Variants in RS1 observed in about 807,000 individuals in gnomAD.
RS1 encodes retinoschisin 1.
A neutral mutation model predicts 20.8 loss-of-function variants in RS1; 2 were observed. That is an observed-to-expected ratio of 0.10 (90% CI 0.04 to 0.30). The LOEUF (loss-of-function observed/expected upper bound fraction) is 0.30, where lower values mean the gene tolerates loss of function less well. Among genes scored for constraint, RS1 ranks in the 10% least tolerant of loss-of-function variants. The pLI is 1.00. For synonymous variants in RS1, 70 were observed against 75.8 expected, an observed-to-expected ratio of 0.92 and a Z score of 0.40; for missense variants, 151 against 189.8, an observed-to-expected ratio of 0.80 and a Z score of 1.20.
intron 3 of RS1, chrX:18,647,544 T>C (rs1927837520): frequency 2.3e-6 from 1 of 435,015 alleles, no homozygotes; most frequent in Admixed American, 3.6e-5. Context: ...GGAATTGCCA[T>C]AGAGACTCAA....
At chrX:18,651,264 T>TGTGTGTGTGTGTGTGTGTGTGTGAGAGA (rs1491242962) in intron 3 of RS1, among the ~76,000 whole-genome samples, 1 of 69,008 alleles carries the variant, frequency 1.4e-5, no homozygotes, top group African/African-American at 6.3e-5. Context: ...TGTGTGTGTG[T>TGTGTGTGTGTGTGTGTGTGTGTGAGAGA]GAGAGAGAGA....
At position 18,658,910 on chromosome X, in the gene RS1, G is replaced by C. The variant is rs894537079; in HGVS notation, c.53-1245C>G. On this transcript the variant is annotated intron_variant, in intron 1 of 5. Coordinates refer to ENST00000379984, the MANE Select transcript of RS1 (RefSeq NM_000330.4). ...TGATTTAAGATTAAGACATTGTTTA[G>C]AAATTATTTTATAGGTTTGTCTATA... Among the ~76,000 whole-genome samples the C allele has an allele frequency of 9.9e-5, 11 of 111,319 alleles. No individual in the cohort carries two copies. The Admixed American group carries it at 1.1e-3, about 11-fold the overall frequency.
At chrX:18,653,686 G>A (rs1963730615) in intron 3 of RS1, 2 of 882,055 alleles carry the variant, frequency 2.3e-6, no homozygotes, top group East Asian at 7.0e-5. Flanking sequence ...TCAAAAACCA[G>A]GGCCAGGTGC....
intron 1 of RS1, among the ~76,000 whole-genome samples, chrX:18,665,927 C>T (rs1335587015): frequency 1.9e-5 from 2 of 106,891 alleles, no homozygotes; most frequent in South Asian, 4.2e-4. Flanking sequence ...TCCTGTCCCT[C>T]AGCTCACCAT....
intron 2 of RS1, 149 bp from the exon 3 acceptor site, chrX:18,656,907 C>T (rs752186166): frequency 1.8e-5 from 9 of 511,347 alleles, no homozygotes; most frequent in Middle Eastern, 1.0e-3. Flanking sequence ...AGCCTCAATA[C>T]ACACAGCTAC....
chrX:18,655,815 C>T (rs930472026), intron 3 of RS1, among the ~76,000 whole-genome samples: 1 of 109,971 alleles, frequency 9.1e-6, no homozygotes, highest in Admixed American at 9.8e-5. Context: ...AGTATCCAGG[C>T]ATGGTGCTAT....
chrX:18,653,592 A>C, intron 3 of RS1: 1 of 1,175,651 alleles, frequency 8.5e-7, no homozygotes, highest in Non-Finnish European at 1.2e-6. Flanking sequence ...CACCTCTCTC[A>C]TGGAAGAACC....
In RS1 at chrX:18,662,668, C is replaced by T. The variant is rs758806692; in HGVS notation, c.53-5003G>A. Among the ~76,000 whole-genome samples, 12 of 106,672 alleles carry T rather than the reference C, an allele frequency of 1.1e-4. No individual in the cohort carries two copies. The East Asian group carries it at 3.6e-3, about 32-fold the overall frequency. 92.6% of individuals were successfully genotyped at this position (106,672 alleles called of 115,157 possible). ...TTTGAGATGGAGTCTCGCTCTGTCG[C>T]CCAGGCTGGAGTGCAGTGGCGCGAT... On this transcript the variant is annotated intron_variant, in intron 1 of 5. Coordinates refer to ENST00000379984, the MANE Select transcript of RS1 (RefSeq NM_000330.4).
chrX:18,661,785 C>T (rs1928313926), intron 1 of RS1, among the ~76,000 whole-genome samples: 1 of 112,313 alleles, frequency 8.9e-6, no homozygotes, highest in Non-Finnish European at 1.9e-5. Flanking sequence ...CGGCGCACTC[C>T]TCTCAACGCC....
chrX:18,671,886 C>A, intron 1 of RS1, 131 bp downstream of exon 1: 1 of 604,460 alleles, frequency 1.7e-6, no homozygotes. Context: ...ATTAATAACA[C>A]ATGTTAGTTA....
chrX:18,647,721 A>G lies in RS1; in HGVS notation c.185-389T>C, dbSNP rs1005094649. On this transcript the variant is annotated intron_variant, in intron 3 of 5. Transcript: ENST00000379984. ...CCATACATCTTTATTTCCCCCATTA[A>G]CACAGATTTAGCCATCCTGCCTCAT... The G allele has an allele frequency of 5.7e-5, 11 of 192,712 alleles. No individual in the cohort carries two copies. In the East Asian group the frequency reaches 1.3e-3, roughly 23 times the overall value. 15.9% of individuals were successfully genotyped at this position (192,712 alleles called of 1,213,427 possible). A position where few individuals can be genotyped will look rare whatever the true frequency, so the allele number is the denominator to read the frequency against.
rs770260902 is a variant in RS1 at position 18,648,200 on chromosome X, G to A, written c.185-868C>T. ...ACAGTGTCGAGTTACCTGGTCAGAG[G>A]CTGCCAATTTTCAACCCAGTATTCA... is the stretch of plus-strand genomic sequence containing the variant. On this transcript the variant is annotated intron_variant, in intron 3 of 5. Coordinates refer to ENST00000379984, the MANE Select transcript of RS1 (RefSeq NM_000330.4). Among the ~76,000 whole-genome samples, 3 of 110,809 alleles carry A rather than the reference G, an allele frequency of 2.7e-5. No individual in the cohort carries two copies. The South Asian group carries it at 1.2e-3, about 43-fold the overall frequency.
Position 18,647,173 on chromosome X carries a change from TC to T in RS1, c.326+17del, listed in dbSNP as rs753537583. On this transcript the variant is annotated intron_variant, in intron 4 of 5. Transcript: ENST00000379984. ...TTTTTTAAAAGCACATGAAAAAAAA[TC>T]CCCGGGCCCTGCTTACCCAAAGCCT... The T allele has an allele frequency of 4.1e-6, 5 of 1,206,767 alleles. No homozygotes were observed. The African/African-American group carries it at 5.3e-5, about 13-fold the overall frequency.
In RS1 at chrX:18,640,920, G is replaced by GA. The variant is rs760315286; in HGVS notation, c.*1083dup. ...ATCTAAGGCGCCGCCTCCAGGAACG[G>GA]AAAGCCAGGCCCATTCCTTCCCAGA... is the stretch of plus-strand genomic sequence containing the variant. On this transcript the variant is annotated 3_prime_UTR_variant, in exon 6 of 6. Transcript: ENST00000379984. 1 of 113,202 alleles carries GA rather than the reference G, an allele frequency of 8.8e-6. No homozygotes were observed. Among genetic ancestry groups the GA allele is most frequent in the African/African-American group, 3.2e-5 (1 of 31,147 alleles). The allele number at this position is 113,202 out of a possible 1,213,427, so 9.3% of individuals were successfully genotyped here.
chrX:18,666,348 C>A (rs1928404679), intron 1 of RS1, among the ~76,000 whole-genome samples: 4 of 111,637 alleles, frequency 3.6e-5, no homozygotes, highest in Admixed American at 1.9e-4. Context: ...AGGCGAGACA[C>A]CTGTGGGCAA....
intron 3 of RS1, chrX:18,650,453 G>T: frequency 8.3e-7 from 1 of 1,211,717 alleles, no homozygotes; most frequent in Non-Finnish European, 1.1e-6. Context: ...CTCACACTCC[G>T]TGCGTCCCAA....
In RS1 at chrX:18,657,668, A is replaced by G. The variant is rs1460269825; in HGVS notation, c.53-3T>C. The G allele has an allele frequency of 5.0e-6, 6 of 1,190,100 alleles. No individual in the cohort carries two copies. The highest frequency in any genetic ancestry group is 6.8e-6 in the Non-Finnish European group (6 of 876,987). On this transcript the variant is annotated splice_polypyrimidine_tract_variant and splice_region_variant and intron_variant, in intron 1 of 5. Transcript: ENST00000379984. ...GGTAGACGATAATCCCAATGTGGCT[A>G]AAGCAAAAGGATGAGACAGAAAAAA...
chrX:18,671,889 G>A (rs1349343034), intron 1 of RS1, 128 bp downstream of exon 1: 5 of 613,839 alleles, frequency 8.1e-6, no homozygotes, highest in African/African-American at 6.8e-5. Context: ...AATAACACAT[G>A]TTAGTTAATT....
chrX:18,658,024 G>A (rs771170635), intron 1 of RS1, among the ~76,000 whole-genome samples: 5 of 110,736 alleles, frequency 4.5e-5, no homozygotes, highest in Non-Finnish European at 9.4e-5. Flanking sequence ...ACAAAAATTA[G>A]CTGGGCATGG....
Sources: gnomAD v4.1 joint callset for allele counts (sites outside exome capture counted in the v4.1 genomes callset) on GRCh38, gnomAD v4.1.1 for gene constraint, MANE v1.5 for transcripts, NCBI Gene and HGNC (gene_info 2026-07-23, HGNC 2026-07-21) for gene names.